MME: variants seen among roughly 807,000 people sequenced by gnomAD.
MME encodes the protein membrane metalloendopeptidase, also known as neprilysin.
In MME, 98 loss-of-function variants were observed where a neutral mutation model predicts 113.2. The ratio of observed to expected loss-of-function variants is 0.87; its 90% confidence interval spans 0.74 to 1.02. MME has a LOEUF of 1.02. Ranked by LOEUF, MME falls within the 50% of genes least tolerant of loss-of-function variation. The pLI is 0.00. For missense variants in MME, 836 were observed against 896.0 expected, an observed-to-expected ratio of 0.93 and a Z score of 0.86; for synonymous variants, 292 against 300.6, an observed-to-expected ratio of 0.97 and a Z score of 0.30.
At position 155,136,285 on chromosome 3, in the gene MME, T is replaced by C. The variant is rs189232606; in HGVS notation, c.721-1817T>C. On this transcript the variant is annotated intron_variant, in intron 8 of 22. Coordinates refer to ENST00000360490, the MANE Select transcript of MME (RefSeq NM_007289.4). ...TATGATGTTGGCTGTGGGTTTGTTA[T>C]GGATAGTTCTTATTATTTTGAGGTA... Among the ~76,000 whole-genome samples, 13 of 152,288 alleles carry C rather than the reference T, an allele frequency of 8.5e-5. No homozygotes were observed. In the East Asian group the frequency reaches 2.1e-3, roughly 25 times the overall value.
intron 3 of MME, chr3:155,090,397 C>A (rs1401753099): frequency 6.6e-6 from 1 of 151,978 alleles, no homozygotes; most frequent in East Asian, 1.9e-4. Context: ...CTGGACTGAA[C>A]CCTATATATG....
intron 1 of MME, among the ~76,000 whole-genome samples, chr3:155,042,183 C>T (rs959534798): frequency 6.6e-6 from 1 of 152,142 alleles, no homozygotes; most frequent in African/African-American, 2.4e-5. Flanking sequence ...CCCAATGCCT[C>T]TTTCAAATTT....
intron 22 of MME, among the ~76,000 whole-genome samples, chr3:155,176,964 C>T (rs1356374729): frequency 2.6e-5 from 4 of 152,090 alleles, no homozygotes. Context: ...AGAGGATGGG[C>T]AGAATGGGCA....
intron 18 of MME, 126 bp from the exon 19 acceptor site, chr3:155,168,366 C>T: frequency 3.4e-6 from 3 of 871,072 alleles, no homozygotes; most frequent in Non-Finnish European, 3.7e-6. Context: ...GACAGTCTCT[C>T]TCATCGTCTG....
At chr3:155,135,105 T>C (rs951160868) in intron 8 of MME, among the ~76,000 whole-genome samples, 1 of 152,218 alleles carries the variant, frequency 6.6e-6, no homozygotes, top group African/African-American at 2.4e-5. Flanking sequence ...ACTATGTTCA[T>C]AGTTTCTTTT....
intron 3 of MME, among the ~76,000 whole-genome samples, chr3:155,108,479 C>T (rs553583733): frequency 5.9e-5 from 9 of 151,910 alleles, no homozygotes; most frequent in Non-Finnish European, 1.3e-4. Flanking sequence ...GCCTGTAATC[C>T]CAGCTACTTG....
intron 3 of MME, among the ~76,000 whole-genome samples, chr3:155,086,104 G>C (rs1254116009): frequency 6.6e-6 from 1 of 152,144 alleles, no homozygotes; most frequent in African/African-American, 2.4e-5. Flanking sequence ...GTGAAAAGGA[G>C]GGCAGGCAGG....
At chr3:155,038,774 T>C (rs74425644) in intron 1 of MME, among the ~76,000 whole-genome samples, 1,989 of 152,270 alleles carry the variant, frequency 0.013, 32 homozygotes, top group African/African-American at 0.044. Context: ...GCATACATTT[T>C]TTTTCTTTCC....
Position 155,125,129 on chromosome 3 carries a change from T to TC in MME, c.720+6318_720+6319insC, listed in dbSNP as rs1396220590. The stretch of plus-strand genomic sequence containing the variant: ...TGGGATATAGTCTCGTGGTGCGCCG[T>TC]TTTTAAGCCGGTCTGAAAAGCGCAA... On this transcript the variant is annotated intron_variant, in intron 8 of 22. Coordinates refer to ENST00000360490, the MANE Select transcript of MME (RefSeq NM_007289.4). Among the ~76,000 whole-genome samples the TC allele has an allele frequency of 9.7e-4, 18 of 18,580 alleles. 1 individual carries two copies. The highest frequency in any genetic ancestry group is 2.2e-3 in the Non-Finnish European group (15 of 6,690). 12.2% of individuals were successfully genotyped at this position (18,580 alleles called of 152,430 possible).
intron 1 of MME, among the ~76,000 whole-genome samples, chr3:155,028,177 C>T (rs1175824331): frequency 6.6e-6 from 1 of 152,128 alleles, no homozygotes; most frequent in Non-Finnish European, 1.5e-5. Flanking sequence ...TTCTACTCTC[C>T]AGGATCTTCT....
rs377125445 is a variant in MME at position 155,109,412 on chromosome 3, C to T, written c.197-5582C>T. Among the ~76,000 whole-genome samples, 131 of 152,170 alleles carry T rather than the reference C, an allele frequency of 8.6e-4. 1 individual carries two copies. In the South Asian group the frequency reaches 0.023, roughly 27 times the overall value. On this transcript the variant is annotated intron_variant, in intron 3 of 22. Transcript: ENST00000360490. ...TGGAGCAGAGTGGAAGCCTTGGGGT[C>T]GTGGGCTTATGCATGAGACACATGT...
intron 1 of MME, chr3:155,081,986 C>A (rs1715191026): frequency 6.6e-6 from 1 of 152,226 alleles, no homozygotes; most frequent in African/African-American, 2.4e-5. Flanking sequence ...GCTTCTGTCA[C>A]TGTCTTCATT....
intron 8 of MME, among the ~76,000 whole-genome samples, chr3:155,128,267 A>G (rs943748610): frequency 2.6e-5 from 4 of 152,060 alleles, no homozygotes; most frequent in Non-Finnish European, 5.9e-5. Flanking sequence ...AAGAATTCCA[A>G]TGTTACCCTT....
At chr3:155,034,280 T>C (rs2108115622) in intron 1 of MME, among the ~76,000 whole-genome samples, 1 of 152,340 alleles carries the variant, frequency 6.6e-6, no homozygotes, top group East Asian at 1.9e-4. Flanking sequence ...CCAGTTCATT[T>C]CTGAGTCCCA....
At chr3:155,137,426 G>T (rs1031135231) in intron 8 of MME, among the ~76,000 whole-genome samples, 4 of 152,210 alleles carry the variant, frequency 2.6e-5, no homozygotes, top group Admixed American at 2.6e-4. Flanking sequence ...TATTATTATG[G>T]CTGAGCATGG....
At chr3:155,093,624 G>A (rs1483250227) in intron 3 of MME, among the ~76,000 whole-genome samples, 1 of 152,116 alleles carries the variant, frequency 6.6e-6, no homozygotes, top group African/African-American at 2.4e-5. Flanking sequence ...TTGGGAGGCC[G>A]AGGCAGGTGG....
intron 1 of MME, among the ~76,000 whole-genome samples, chr3:155,026,200 G>C (rs1426597548): frequency 6.6e-6 from 1 of 151,202 alleles, no homozygotes; most frequent in East Asian, 2.0e-4. Flanking sequence ...GGGTAGGGGG[G>C]TGGGTGGAGT....
chr3:155,180,399 A>C lies in MME; in HGVS notation c.2193A>C (p.Glu731Asp). ...GTLQNSAEFS[E>D]AFHCRKNSYM... is the part of the protein sequence containing the mutation. ...TGCAGAACTCTGCAGAGTTTTCAGA[A>C]GCCTTTCACTGCCGCAAGAATTCAT... Residue 731 changes from glutamate to aspartate, a missense_variant, in exon 23 of 23, where the codon GAA becomes GAC. Coordinates refer to ENST00000360490, the MANE Select transcript of MME (RefSeq NM_007289.4). The C allele has an allele frequency of 6.2e-7, 1 of 1,613,716 alleles. No homozygotes were observed. Among genetic ancestry groups the C allele is most frequent in the Non-Finnish European group, 8.5e-7 (1 of 1,179,680 alleles).
intron 3 of MME, 124 bp downstream of exon 3, chr3:155,085,218 G>A: frequency 3.3e-6 from 2 of 602,286 alleles, no homozygotes; most frequent in Non-Finnish European, 2.9e-6. Flanking sequence ...TATGTGTCTG[G>A]CTCTATAATC....
Sources: allele counts gnomAD v4.1 joint callset (sites outside exome capture counted in the v4.1 genomes callset), GRCh38; gene constraint gnomAD v4.1.1; transcripts MANE v1.5; gene names NCBI Gene and HGNC (gene_info 2026-07-23, HGNC 2026-07-21).